GALNT14: variants seen among roughly 807,000 people sequenced by gnomAD.
GALNT14 encodes the protein UDP-GalNAc:polypeptide N-acetylgalactosaminyltransferase 14.
A neutral mutation model predicts 77.5 loss-of-function variants in GALNT14; 60 were observed. The observed-to-expected ratio is 0.77, with a 90% confidence interval of 0.63 to 0.96. The LOEUF (loss-of-function observed/expected upper bound fraction) is 0.96, where lower values mean the gene tolerates loss of function less well. GALNT14 is among the 40% of genes least tolerant of loss of function. The probability of loss-of-function intolerance (pLI) is 0.00; values close to 1 mark genes in which losing one functional copy is unlikely to be tolerated. For missense variants in GALNT14, 710 were observed against 731.0 expected (o/e 0.97, Z 0.33); for synonymous variants, 280 against 281.7 (o/e 0.99, Z 0.06).
intron 9 of GALNT14, among the ~76,000 whole-genome samples, chr2:30,935,907 C>T (rs1030511115): frequency 5.9e-5 from 9 of 152,170 alleles, no homozygotes; most frequent in African/African-American, 1.7e-4. Flanking sequence ...CTCTGATCTT[C>T]GAGGCTGCAG....
At chr2:31,120,472 A>C (rs952024834) in intron 1 of GALNT14, among the ~76,000 whole-genome samples, 1 of 152,196 alleles carries the variant, frequency 6.6e-6, no homozygotes, top group Admixed American at 6.5e-5. Context: ...ACAATAGCCC[A>C]TTTACGTAAA....
chr2:31,023,381 C>T (rs1000692071), intron 1 of GALNT14, among the ~76,000 whole-genome samples: 2 of 152,034 alleles, frequency 1.3e-5, no homozygotes, highest in Non-Finnish European at 2.9e-5. Context: ...TGTAACTGTG[C>T]CTCTTTCCTT....
chr2:31,107,023 A>G (rs1363135629), intron 1 of GALNT14, among the ~76,000 whole-genome samples: 1 of 152,262 alleles, frequency 6.6e-6, no homozygotes, highest in African/African-American at 2.4e-5. Flanking sequence ...GTGGTTACAC[A>G]AAAGTTTATC....
At chr2:31,084,047 G>A (rs1225054506) in intron 1 of GALNT14, among the ~76,000 whole-genome samples, 4 of 152,194 alleles carry the variant, frequency 2.6e-5, no homozygotes, top group Non-Finnish European at 5.9e-5. Context: ...AAGAGCGCTG[G>A]ATTCAAAGTC....
chr2:30,887,676 A>G, the GALNT14 span, among the ~76,000 whole-genome samples: 1 of 152,168 alleles, frequency 6.6e-6, no homozygotes, highest in Non-Finnish European at 1.5e-5. Flanking sequence ...CACTTTCTTG[A>G]TAATACCTTT....
At chr2:31,130,793 C>CA (rs1678957098) in intron 1 of GALNT14, among the ~76,000 whole-genome samples, 1 of 68,340 alleles carries the variant, frequency 1.5e-5, no homozygotes, top group African/African-American at 7.2e-5. Context: ...TGCGCGCGCA[C>CA]CTGTGTGTGT....
intron 1 of GALNT14, among the ~76,000 whole-genome samples, chr2:31,078,614 G>T (rs1189794897): frequency 6.6e-6 from 1 of 152,180 alleles, no homozygotes; most frequent in Non-Finnish European, 1.5e-5. Context: ...TTCACCTTGT[G>T]CTGTGCCTGG....
intron 1 of GALNT14, among the ~76,000 whole-genome samples, chr2:31,009,912 T>C (rs2148438515): frequency 6.6e-6 from 1 of 152,176 alleles, no homozygotes; most frequent in Non-Finnish European, 1.5e-5. Context: ...TCTACAACCA[T>C]ACCCAACCAC....
chr2:31,101,095 C>T (rs1352096791), intron 1 of GALNT14, among the ~76,000 whole-genome samples: 2 of 151,890 alleles, frequency 1.3e-5, no homozygotes, highest in African/African-American at 4.8e-5. Context: ...ACCAGAATAA[C>T]CTTAGCCAGT....
In GALNT14 at chr2:31,125,936, T is replaced by C. The variant is rs114508816; in HGVS notation, c.129+12022A>G. 2.4e-3 allele frequency among the ~76,000 whole-genome samples: 359 copies of C among 152,344 alleles called. 2 individuals carry two copies. Among genetic ancestry groups the C allele is most frequent in the African/African-American group, 8.2e-3 (341 of 41,582 alleles). On this transcript the variant is annotated intron_variant, in intron 1 of 14. Coordinates refer to ENST00000349752, the MANE Select transcript of GALNT14 (RefSeq NM_024572.4). ...GGTTAATTCCTCAGTGTCCTCTCTT[T>C]AATCAGTCTTCAGGTATTCCTAAAG...
chr2:31,123,209 G>A (rs544408122), intron 1 of GALNT14, among the ~76,000 whole-genome samples: 1 of 144,194 alleles, frequency 6.9e-6, no homozygotes, highest in Non-Finnish European at 1.5e-5. Flanking sequence ...AAACTTTATT[G>A]ATGGACCATG....
In GALNT14 at chr2:30,977,092, C is replaced by CTTTTTTTTTTTTTTTTTTT. The variant is rs11314175; in HGVS notation, c.300-10791_300-10790insAAAAAAAAAAAAAAAAAAA. On this transcript the variant is annotated intron_variant, in intron 2 of 14. Transcript: ENST00000349752. ...CTTTATTCCATATTGGCTTTTCTGTCTTTTTTTTTTTTTTTGAGACAGGGT... is the reference window on the plus strand; with the variant it reads ...CTTTATTCCATATTGGCTTTTCTGTCTTTTTTTTTTTTTTTTTTTTTTTTTTTTTTTTTTGAGACAGGGT... Among the ~76,000 whole-genome samples, 165 of 135,086 alleles carry CTTTTTTTTTTTTTTTTTTT rather than the reference C, an allele frequency of 1.2e-3. 15 individuals are homozygous for CTTTTTTTTTTTTTTTTTTT. The highest frequency in any genetic ancestry group is 4.9e-3 in the African/African-American group (160 of 32,578). The allele number at this position is 135,086 out of a possible 152,430, so 88.6% of individuals were successfully genotyped here.
At chr2:30,904,908 C>A in the GALNT14 span, among the ~76,000 whole-genome samples, 10,410 of 151,680 alleles carry the variant, frequency 0.069, 370 homozygotes, top group African/African-American at 0.081. Flanking sequence ...TGACCCCTGA[C>A]CCCTGAGCAG....
At chr2:30,924,639 A>G in intron 12 of GALNT14, 101 bp downstream of exon 12, 1 of 927,030 alleles carries the variant, frequency 1.1e-6, no homozygotes. Context: ...TATACATAAA[A>G]GCCCTCATCC....
intron 1 of GALNT14, among the ~76,000 whole-genome samples, chr2:31,047,769 G>A (rs1245798764): frequency 6.6e-6 from 1 of 152,172 alleles, no homozygotes; most frequent in Non-Finnish European, 1.5e-5. Context: ...CATAAACTCT[G>A]CAAGCAGGTC....
At chr2:30,961,426 T>C (rs1198262471) in intron 3 of GALNT14, among the ~76,000 whole-genome samples, 1 of 152,208 alleles carries the variant, frequency 6.6e-6, no homozygotes, top group Admixed American at 6.5e-5. Context: ...CACCATTCAC[T>C]AGCTGGGAGA....
intron 1 of GALNT14, among the ~76,000 whole-genome samples, chr2:31,090,830 C>T (rs921752486): frequency 2.6e-5 from 4 of 151,854 alleles, no homozygotes; most frequent in African/African-American, 7.3e-5. Context: ...TTTTCCTCAT[C>T]TGTGAAGAGA....
chr2:30,908,597 T>C (rs1664208358), downstream of GALNT14, among the ~76,000 whole-genome samples: 1 of 140,474 alleles, frequency 7.1e-6, no homozygotes, highest in Non-Finnish European at 1.5e-5. Context: ...TGCTCATGGG[T>C]AGGAAGAATC....
chr2:31,128,684 G>A (rs1324627280), intron 1 of GALNT14, among the ~76,000 whole-genome samples: 3 of 152,210 alleles, frequency 2.0e-5, no homozygotes, highest in Non-Finnish European at 2.9e-5. Flanking sequence ...GGCTAGGCCA[G>A]AGTCAGAACC....
Sources: allele counts gnomAD v4.1 joint callset (sites outside exome capture counted in the v4.1 genomes callset), GRCh38; gene constraint gnomAD v4.1.1; transcripts MANE v1.5; gene names NCBI Gene and HGNC (gene_info 2026-07-23, HGNC 2026-07-21).